Variants in SLC6A5 observed in about 807,000 individuals in gnomAD.
SLC6A5 encodes solute carrier family 6 member 5.
SLC6A5 carries 58 observed loss-of-function variants against 90.5 expected under a neutral mutation model. The ratio of observed to expected loss-of-function variants is 0.64; its 90% CI spans 0.52 to 0.80. The LOEUF is 0.80. Ranked by LOEUF, SLC6A5 falls within the 30% of genes least tolerant of loss-of-function variation. The pLI, the probability that SLC6A5 is intolerant of heterozygous loss-of-function variation, is 0.00. For missense variants in SLC6A5, 1,015 were observed against 1,017.6 expected, an observed-to-expected ratio of 1.00 and a Z score of 0.03; for synonymous variants, 427 against 401.4, an observed-to-expected ratio of 1.06 and a Z score of -0.76.
chr11:20,644,365 C>G (rs887440676), intron 13 of SLC6A5, among the ~76,000 whole-genome samples: 1 of 152,136 alleles, frequency 6.6e-6, no homozygotes, highest in African/African-American at 2.4e-5. Flanking sequence ...GCTTATTTTA[C>G]TTCGCATAAT....
intron 7 of SLC6A5, among the ~76,000 whole-genome samples, chr11:20,620,945 G>A (rs942068262): frequency 4.6e-5 from 7 of 151,958 alleles, no homozygotes; most frequent in Non-Finnish European, 2.9e-5. Flanking sequence ...GATTACAGGA[G>A]CCCACCACCA....
At position 20,601,614 on chromosome 11, in the gene SLC6A5, G is replaced by A. The variant is rs145813913; in HGVS notation, c.489G>A (p.Thr163=). Residue 163 remains threonine (T), a synonymous_variant, in exon 2 of 16, where the codon ACG becomes ACA. Transcript: ENST00000525748. The part of the protein sequence containing the change: ...NMSQSTVVLA[T]DGITSVLPGS... ...GCCAGAGCACCGTGGTGCTGGCCACGGATGGAATCACGTCCGTGCTCCCGG... is the reference window on the plus strand; with the variant it reads ...GCCAGAGCACCGTGGTGCTGGCCACAGATGGAATCACGTCCGTGCTCCCGG... The A allele has an allele frequency of 1.2e-6, 2 of 1,614,106 alleles. No individual in the cohort carries two copies. The highest frequency in any genetic ancestry group is 1.1e-5 in the South Asian group (1 of 91,076).
intron 7 of SLC6A5, among the ~76,000 whole-genome samples, chr11:20,625,723 G>A (rs935599894): frequency 6.6e-6 from 1 of 152,084 alleles, no homozygotes; most frequent in African/African-American, 2.4e-5. Context: ...TAGTGAGTGA[G>A]TAGAGCTTTG....
rs771834560 is a variant in SLC6A5, at chr11:20,630,833, C to T, written c.1624+18C>T. 1 of 1,613,818 alleles carries T rather than the reference C, an allele frequency of 6.2e-7. No homozygotes were observed. The highest frequency in any genetic ancestry group is 8.5e-7 in the Non-Finnish European group (1 of 1,179,706). Reference sequence around the variant, plus strand: ...AGACCAAGGTACAGGACAGTTGTTACCCTGCTGTTGCAGGGCAGGTCCCAG... The same window carrying T: ...AGACCAAGGTACAGGACAGTTGTTATCCTGCTGTTGCAGGGCAGGTCCCAG... On this transcript the variant is annotated intron_variant, in intron 10 of 15. Coordinates refer to ENST00000525748, the MANE Select transcript of SLC6A5 (RefSeq NM_004211.5).
rs1853635864 is a variant in SLC6A5, at chr11:20,656,263, A to G, written c.*1395A>G. 6.6e-6 allele frequency: 1 copy of G among 152,234 alleles called. No individual in the cohort carries two copies. Among genetic ancestry groups the G allele is most frequent in the Non-Finnish European group, 1.5e-5 (1 of 68,042 alleles). The allele number at this position is 152,234 out of a possible 1,614,324, so 9.4% of individuals were successfully genotyped here. ...AGTGGTGTTTTCTGTCCTTATAAAT[A>G]TCTTTTGAATTCTGTAGAGATGGTG... On this transcript the variant is annotated 3_prime_UTR_variant, in exon 16 of 16. Coordinates refer to ENST00000525748, the MANE Select transcript of SLC6A5 (RefSeq NM_004211.5).
At position 20,656,019 on chromosome 11, in the gene SLC6A5, G is replaced by C. The variant is rs575732306; in HGVS notation, c.*1151G>C. 6.6e-6 allele frequency: 1 copy of C among 152,136 alleles called. No individual in the cohort carries two copies. Among genetic ancestry groups the C allele is most frequent in the Non-Finnish European group, 1.5e-5 (1 of 68,024 alleles). 9.4% of individuals were successfully genotyped at this position (152,136 alleles called of 1,614,324 possible). On this transcript the variant is annotated 3_prime_UTR_variant, in exon 16 of 16. Coordinates refer to ENST00000525748, the MANE Select transcript of SLC6A5 (RefSeq NM_004211.5). ...GATAAATACAGCTTAGGTAAGTAGC[G>C]AGTGAGCCAATTAAGACTATAGCTT... is the stretch of plus-strand genomic sequence containing the variant.
In SLC6A5 at chr11:20,607,206, C is replaced by T; in HGVS notation, c.811+68C>T. On this transcript the variant is annotated intron_variant, in intron 4 of 15. Coordinates refer to ENST00000525748, the MANE Select transcript of SLC6A5 (RefSeq NM_004211.5). ...CTCTGTCCCCTCTGGCACCATGCAG[C>T]CCCAGGGAGGGAGACCTGCCTTTGT... is the stretch of plus-strand genomic sequence containing the variant. 2.6e-6 allele frequency: 4 copies of T among 1,553,426 alleles called. No homozygotes were observed. In the South Asian group the frequency reaches 4.7e-5, roughly 18 times the overall value.
Position 20,652,082 on chromosome 11 carries a change from T to G in SLC6A5, c.2071-207T>G, listed in dbSNP as rs150556159. On this transcript the variant is annotated intron_variant, in intron 14 of 15. Coordinates refer to ENST00000525748, the MANE Select transcript of SLC6A5 (RefSeq NM_004211.5). ...TGCTCCGCTCCCATGGTTTGGCAAA[T>G]GCAGAGTCAGCAGCTCAGAATATAT... is the stretch of plus-strand genomic sequence containing the variant. Among the ~76,000 whole-genome samples the G allele has an allele frequency of 5.1e-4, 77 of 152,308 alleles. 1 individual carries two copies. In the East Asian group the frequency reaches 0.013, roughly 25 times the overall value.
intron 3 of SLC6A5, 84 bp downstream of exon 3, chr11:20,604,508 C>T (rs1852540759): frequency 2.6e-6 from 4 of 1,542,810 alleles, no homozygotes; most frequent in South Asian, 1.2e-5. Context: ...TCAGGCAGGG[C>T]CGCCGGGCGG....
At chr11:20,622,798 C>T (rs1451657219) in intron 7 of SLC6A5, among the ~76,000 whole-genome samples, 1 of 144,496 alleles carries the variant, frequency 6.9e-6, no homozygotes, top group Non-Finnish European at 1.5e-5. Flanking sequence ...CTTCCATCCT[C>T]ATTTCCCACC....
chr11:20,654,409 A>G (rs1274325674), intron 15 of SLC6A5, among the ~76,000 whole-genome samples: 1 of 152,244 alleles, frequency 6.6e-6, no homozygotes, highest in Non-Finnish European at 1.5e-5. Context: ...ATATATAATT[A>G]AAATCTGGGC....
At chr11:20,610,012 G>A (rs192520083) in intron 5 of SLC6A5, among the ~76,000 whole-genome samples, 5 of 152,304 alleles carry the variant, frequency 3.3e-5, no homozygotes, top group South Asian at 2.1e-4. Flanking sequence ...GCTGGGTCAC[G>A]TAAAATAGGA....
intron 12 of SLC6A5, 123 bp downstream of exon 12, chr11:20,637,426 T>C (rs896647554): frequency 1.4e-5 from 12 of 839,754 alleles, no homozygotes; most frequent in Middle Eastern, 3.3e-4. Context: ...ACCATTTCCA[T>C]GTAGATGGCA....
intron 11 of SLC6A5, among the ~76,000 whole-genome samples, chr11:20,636,830 G>T (rs899112920): frequency 1.3e-5 from 2 of 152,164 alleles, no homozygotes; most frequent in African/African-American, 4.8e-5. Flanking sequence ...TGCAAAGAGG[G>T]TTTTTCCTCA....
intron 7 of SLC6A5, among the ~76,000 whole-genome samples, chr11:20,625,312 A>G (rs1852971609): frequency 6.6e-6 from 1 of 152,012 alleles, no homozygotes. Flanking sequence ...CCCAGTCTGG[A>G]GTGCAATGGC....
At chr11:20,608,958 CTG>C (rs71063652) in intron 5 of SLC6A5, among the ~76,000 whole-genome samples, 146 of 110,910 alleles carry the variant, frequency 1.3e-3, no homozygotes, top group African/African-American at 1.7e-3. Context: ...CTCTCTCTCT[CTG>C]TGTGTGTGTG....
At chr11:20,646,335 C>A (rs552244029) in intron 13 of SLC6A5, among the ~76,000 whole-genome samples, 3 of 152,086 alleles carry the variant, frequency 2.0e-5, no homozygotes, top group Non-Finnish European at 2.9e-5. Context: ...TCATCTTGCA[C>A]GGCACAAAGA....
chr11:20,618,356 G>T (rs1018639486), intron 7 of SLC6A5, among the ~76,000 whole-genome samples: 1 of 152,176 alleles, frequency 6.6e-6, no homozygotes, highest in Admixed American at 6.5e-5. Context: ...CGGCCACCAT[G>T]TTCATGGCCT....
Position 20,658,827 on chromosome 11 carries a change from T to G in SLC6A5, c.*3959T>G, listed in dbSNP as rs889121477. 6 of 152,182 alleles carry G rather than the reference T, an allele frequency of 3.9e-5. No individual in the cohort carries two copies. Among genetic ancestry groups the G allele is most frequent in the African/African-American group, 1.4e-4 (6 of 41,442 alleles). The allele number at this position is 152,182 out of a possible 1,614,324, so 9.4% of individuals were successfully genotyped here. On this transcript the variant is annotated 3_prime_UTR_variant, in exon 16 of 16. Transcript: ENST00000525748. Reference sequence around the variant, plus strand: ...TACTGTTAGGATGATTCTTAGTAATTGACTAAAAACTGTTTTGTCTCTCAT... The same window carrying G: ...TACTGTTAGGATGATTCTTAGTAATGGACTAAAAACTGTTTTGTCTCTCAT...
Sources: allele counts gnomAD v4.1 joint callset (sites outside exome capture counted in the v4.1 genomes callset), GRCh38; gene constraint gnomAD v4.1.1; transcripts MANE v1.5; gene names NCBI Gene and HGNC (gene_info 2026-07-23, HGNC 2026-07-21).